Variants in LYPD6 observed in about 807,000 individuals in gnomAD.
The protein encoded by LYPD6 is LY6/PLAUR domain containing 6, also known as ly6/PLAUR domain-containing protein 6.
LYPD6 carries 15 observed loss-of-function variants against 22.7 expected under a neutral mutation model. That is an observed-to-expected ratio of 0.66 (90% CI 0.44 to 1.02). LYPD6 has a LOEUF of 1.02. LYPD6 is among the 50% of genes least tolerant of loss of function. The pLI, the probability that LYPD6 is intolerant of heterozygous loss-of-function variation, is 0.00. For synonymous variants in LYPD6, 72 were observed against 77.5 expected (o/e 0.93, Z 0.37); for missense variants, 189 against 208.4 (o/e 0.91, Z 0.57).
At chr2:149,386,927 A>T (rs1262156903) in intron 1 of LYPD6, among the ~76,000 whole-genome samples, 2 of 152,208 alleles carry the variant, frequency 1.3e-5, no homozygotes, top group African/African-American at 2.4e-5. Flanking sequence ...TGTAGTGCAC[A>T]ATCATGGCTC....
chr2:149,348,215 A>G (rs1324906996), intron 1 of LYPD6, among the ~76,000 whole-genome samples: 1 of 152,218 alleles, frequency 6.6e-6, no homozygotes, highest in East Asian at 1.9e-4. Context: ...GAAATGGATA[A>G]AAGTCTCTAG....
At chr2:149,386,949 A>G (rs1198795025) in intron 1 of LYPD6, among the ~76,000 whole-genome samples, 2 of 152,198 alleles carry the variant, frequency 1.3e-5, no homozygotes, top group African/African-American at 2.4e-5. Flanking sequence ...CACACCAGCT[A>G]TCTTGCTTCC....
the LYPD6 span, among the ~76,000 whole-genome samples, chr2:149,482,956 G>A: frequency 6.6e-6 from 1 of 152,186 alleles, no homozygotes; most frequent in Non-Finnish European, 1.5e-5. Context: ...CAAGACCAGA[G>A]GAAGCCATGG....
chr2:149,402,742 A>G (rs77036315), intron 1 of LYPD6, among the ~76,000 whole-genome samples: 1 of 151,084 alleles, frequency 6.6e-6, no homozygotes, highest in Non-Finnish European at 1.5e-5. Flanking sequence ...ATTTTATTAT[A>G]ATTATACTTT....
intron 1 of LYPD6, among the ~76,000 whole-genome samples, chr2:149,407,026 A>G (rs1214245796): frequency 1.3e-5 from 2 of 152,054 alleles, no homozygotes; most frequent in African/African-American, 4.8e-5. Context: ...TTCTGGGTTG[A>G]AAATTCTTTT....
At chr2:149,454,379 A>G (rs1680904641) in intron 3 of LYPD6, among the ~76,000 whole-genome samples, 2 of 152,016 alleles carry the variant, frequency 1.3e-5, no homozygotes, top group South Asian at 4.1e-4. Context: ...TATAGAATGT[A>G]CTCCTTGCTT....
At chr2:149,469,207 G>T (rs937089222) in intron 4 of LYPD6, among the ~76,000 whole-genome samples, 3 of 152,144 alleles carry the variant, frequency 2.0e-5, no homozygotes, top group African/African-American at 7.2e-5. Context: ...TGTTAGTTTG[G>T]GGAGGGTCTC....
At chr2:149,402,561 G>T (rs1682583616) in intron 1 of LYPD6, among the ~76,000 whole-genome samples, 1 of 151,970 alleles carries the variant, frequency 6.6e-6, no homozygotes, top group African/African-American at 2.4e-5. Context: ...TGTTATTTTT[G>T]ATTATGGCCA....
chr2:149,468,714 G>C lies in LYPD6; in HGVS notation c.287G>C (p.Cys96Ser). The change falls in exon 4 of 5, where the codon TGT (cysteine) becomes TCT (serine). Residue 96 changes from cysteine (C) to serine (S), a missense_variant. Physicochemically the swap from Cys to Ser is moderately radical, Grantham distance 112. Coordinates refer to ENST00000334166, the MANE Select transcript of LYPD6 (RefSeq NM_194317.5). The stretch of plus-strand genomic sequence containing the variant: ...AACAGTATCTCAGTCACCAAACGCT[G>C]TGTCCCACTGGAAGAGTGCTTATCC... ...TGNSISVTKR[C>S]VPLEECLSTG... 1 of 1,613,726 alleles carries C rather than the reference G, an allele frequency of 6.2e-7. No individual in the cohort carries two copies. Among genetic ancestry groups the C allele is most frequent in the Non-Finnish European group, 8.5e-7 (1 of 1,179,740 alleles).
chr2:149,459,076 C>T lies in LYPD6; in HGVS notation c.218-9569C>T, dbSNP rs146543460. Among the ~76,000 whole-genome samples the T allele has an allele frequency of 3.2e-3, 486 of 152,122 alleles. 2 individuals are homozygous for T. Among genetic ancestry groups the T allele is most frequent in the African/African-American group, 0.011 (457 of 41,506 alleles). On this transcript the variant is annotated intron_variant, in intron 3 of 4. Coordinates refer to ENST00000334166, the MANE Select transcript of LYPD6 (RefSeq NM_194317.5). ...GTTTTTCTAAGAAGCTGAGCAAACC[C>T]CAAAGAGGACAAAACTAAAGCAATC...
chr2:149,397,089 T>G (rs77630543), intron 1 of LYPD6, among the ~76,000 whole-genome samples: 5,557 of 152,336 alleles, frequency 0.036, 332 homozygotes, highest in African/African-American at 0.13. Flanking sequence ...TATCTGTGGT[T>G]GGTTCACTTC....
At chr2:149,456,637 C>G (rs535592793) in intron 3 of LYPD6, among the ~76,000 whole-genome samples, 1 of 152,300 alleles carries the variant, frequency 6.6e-6, no homozygotes, top group African/African-American at 2.4e-5. Flanking sequence ...GGAACACAGA[C>G]AGGAACTGAG....
chr2:149,430,616 T>C (rs1191781043), intron 1 of LYPD6, among the ~76,000 whole-genome samples: 2 of 152,242 alleles, frequency 1.3e-5, no homozygotes, highest in Non-Finnish European at 2.9e-5. Context: ...GGCTTCAGAA[T>C]TCCATTCTGC....
At chr2:149,451,074 T>G (rs1282741436) in intron 3 of LYPD6, among the ~76,000 whole-genome samples, 1 of 152,128 alleles carries the variant, frequency 6.6e-6, no homozygotes, top group Non-Finnish European at 1.5e-5. Context: ...TCACACTGGG[T>G]AATATATAAA....
chr2:149,356,786 T>C lies in LYPD6; in HGVS notation c.-72+26064T>C, dbSNP rs16826904. Among the ~76,000 whole-genome samples the C allele has an allele frequency of 9.0e-4, 137 of 152,316 alleles. 2 individuals carry two copies. In the East Asian group the frequency reaches 0.025, roughly 28 times the overall value. On this transcript the variant is annotated intron_variant, in intron 1 of 4. Coordinates refer to ENST00000334166, the MANE Select transcript of LYPD6 (RefSeq NM_194317.5). ...TTAAAGGCTAAATGTTTTTTCAGGA[T>C]GAGTGGATCAGTGGAGTCCAAATAT...
intron 1 of LYPD6, among the ~76,000 whole-genome samples, chr2:149,373,019 T>G (rs1209991394): frequency 6.6e-6 from 1 of 152,188 alleles, no homozygotes; most frequent in Non-Finnish European, 1.5e-5. Context: ...AGTAGCTCTC[T>G]CTGGTTGTTG....
intron 1 of LYPD6, among the ~76,000 whole-genome samples, chr2:149,434,656 C>T (rs1683390852): frequency 6.6e-6 from 1 of 152,056 alleles, no homozygotes; most frequent in African/African-American, 2.4e-5. Flanking sequence ...AAGAGGCCAA[C>T]CCTGAGGTAT....
At chr2:149,386,396 A>G (rs554741881) in intron 1 of LYPD6, among the ~76,000 whole-genome samples, 1 of 152,270 alleles carries the variant, frequency 6.6e-6, no homozygotes, top group East Asian at 1.9e-4. Flanking sequence ...TACCAGTCTC[A>G]TCCTCTTACC....
chr2:149,343,905 G>A (rs566908837), intron 1 of LYPD6, among the ~76,000 whole-genome samples: 1 of 152,052 alleles, frequency 6.6e-6, no homozygotes, highest in South Asian at 2.1e-4. Flanking sequence ...AAAAAAAACA[G>A]TGGATTAAAA....
Sources: gnomAD v4.1 joint callset for allele counts (sites outside exome capture counted in the v4.1 genomes callset) on GRCh38, gnomAD v4.1.1 for gene constraint, MANE v1.5 for transcripts, NCBI Gene and HGNC (gene_info 2026-07-23, HGNC 2026-07-21) for gene names.